The following PLEKHG1 variants were observed in gnomAD, a reference collection of about 807,000 sequenced individuals.
PLEKHG1 encodes pleckstrin homology domain-containing family G member 1.
PLEKHG1 carries 44 observed loss-of-function variants against 100.8 expected under a neutral mutation model. The observed-to-expected ratio is 0.44, with a 90% CI of 0.34 to 0.56. The LOEUF is 0.56. Among genes scored for constraint, PLEKHG1 ranks in the 20% least tolerant of loss-of-function variants. PLEKHG1 has a pLI of 0.01. For synonymous variants in PLEKHG1, 640 were observed against 662.5 expected, an observed-to-expected ratio of 0.97 and a Z score of 0.52; for missense variants, 1,545 against 1,720.9, an observed-to-expected ratio of 0.90 and a Z score of 1.81.
chr6:150,731,055 G>A (rs1381470268), intron 1 of PLEKHG1, among the ~76,000 whole-genome samples: 4 of 152,112 alleles, frequency 2.6e-5, no homozygotes, highest in African/African-American at 4.8e-5. Flanking sequence ...TGGAGGGTGC[G>A]AATGGAAAGG....
At chr6:150,605,663 T>C (rs1386123043) in intron 1 of PLEKHG1, 1 of 152,182 alleles carries the variant, frequency 6.6e-6, no homozygotes, top group African/African-American at 2.4e-5. Flanking sequence ...CCAGGAAGCC[T>C]CTAGGAGGAG....
chr6:150,672,992 A>C (rs1037312823), intron 3 of PLEKHG1, among the ~76,000 whole-genome samples: 3 of 152,210 alleles, frequency 2.0e-5, no homozygotes, highest in Non-Finnish European at 2.9e-5. Flanking sequence ...TGTGTTTGGC[A>C]GTCATGGTTG....
At chr6:150,654,569 C>G (rs1230574459) in intron 3 of PLEKHG1, among the ~76,000 whole-genome samples, 4 of 152,184 alleles carry the variant, frequency 2.6e-5, no homozygotes, top group Non-Finnish European at 5.9e-5. Flanking sequence ...TGTATAATCT[C>G]AACACTGAAG....
At chr6:150,675,037 A>T (rs1277479248) in intron 3 of PLEKHG1, among the ~76,000 whole-genome samples, 3 of 152,176 alleles carry the variant, frequency 2.0e-5, no homozygotes, top group Non-Finnish European at 2.9e-5. Context: ...TTTGCTATTT[A>T]AAAATGTAAT....
chr6:150,635,461 A>AG (rs1011476139), intron 1 of PLEKHG1, among the ~76,000 whole-genome samples: 2 of 151,800 alleles, frequency 1.3e-5, no homozygotes, highest in Admixed American at 6.6e-5. Context: ...GTAATTAAAA[A>AG]CAATTGGGAA....
chr6:150,606,537 C>T (rs1168855597), intron 1 of PLEKHG1, among the ~76,000 whole-genome samples: 1 of 152,174 alleles, frequency 6.6e-6, no homozygotes, highest in Non-Finnish European at 1.5e-5. Context: ...CATCCTCCTC[C>T]CTGTTTAGAG....
intron 3 of PLEKHG1, among the ~76,000 whole-genome samples, chr6:150,715,134 C>T (rs1444649690): frequency 1.3e-5 from 2 of 152,148 alleles, no homozygotes; most frequent in African/African-American, 4.8e-5. Flanking sequence ...TGAAAACAAA[C>T]TCACTTGCCA....
intron 3 of PLEKHG1, among the ~76,000 whole-genome samples, chr6:150,660,058 G>A (rs1046303332): frequency 3.3e-5 from 5 of 151,050 alleles, no homozygotes; most frequent in Non-Finnish European, 5.9e-5. Context: ...TAGCCCAAAT[G>A]TCTTTGTTCA....
At chr6:150,654,098 T>G (rs1383958843) in intron 3 of PLEKHG1, among the ~76,000 whole-genome samples, 2 of 152,182 alleles carry the variant, frequency 1.3e-5, no homozygotes, top group African/African-American at 4.8e-5. Flanking sequence ...CCTGGTTATT[T>G]GATGGAAGGG....
At chr6:150,804,878 G>A in intron 7 of PLEKHG1, 137 bp downstream of exon 8, 1 of 691,332 alleles carries the variant, frequency 1.4e-6, no homozygotes, top group Non-Finnish European at 2.4e-6. Context: ...AAAAAGTTCA[G>A]GACATCAGTA....
intron 2 of PLEKHG1, among the ~76,000 whole-genome samples, chr6:150,641,876 C>CAAAAAAAAAAAAAAAAAA (rs71554473): frequency 2.6e-5 from 2 of 76,798 alleles, no homozygotes; most frequent in Non-Finnish European, 4.5e-5. Context: ...TGTGAAAAGG[C>CAAAAAAAAAAAAAAAAAA]AAAAAAAAAA....
At chr6:150,629,808 ATTTCC>A (rs1777671611) in intron 1 of PLEKHG1, among the ~76,000 whole-genome samples, 1 of 152,176 alleles carries the variant, frequency 6.6e-6, no homozygotes, top group South Asian at 2.1e-4. Context: ...TCTATGATGT[ATTTCC>A]TTTGATGACA....
intron 1 of PLEKHG1, among the ~76,000 whole-genome samples, chr6:150,637,768 C>T (rs1016907133): frequency 6.6e-6 from 1 of 152,048 alleles, no homozygotes; most frequent in African/African-American, 2.4e-5. Context: ...TTTTTGTCAT[C>T]GGTCCTTTTA....
chr6:150,691,628 A>G (rs1300795585), intron 3 of PLEKHG1, among the ~76,000 whole-genome samples: 2 of 152,190 alleles, frequency 1.3e-5, no homozygotes, highest in African/African-American at 2.4e-5. Flanking sequence ...ATCATCTCTG[A>G]GCAATTTTTA....
chr6:150,693,599 C>T (rs1382669629), intron 3 of PLEKHG1, among the ~76,000 whole-genome samples: 5 of 152,170 alleles, frequency 3.3e-5, no homozygotes, highest in Non-Finnish European at 7.3e-5. Context: ...TAACCACTCC[C>T]CCATGTGTTT....
rs779738557 is a variant in PLEKHG1, at chr6:150,831,387, G to A, written c.2276G>A (p.Ser759Asn). The change falls in exon 15 of 16, where the codon AGC becomes AAC. Residue 759 changes from serine (S) to asparagine (N), a missense_variant. By Grantham distance (46) the Ser-to-Asn change is conservative. Transcript: ENST00000358517. This position sits in a 1 kb window ranked among gnomAD's most constrained non-coding sequence, Gnocchi z 4.1. ...CCGTCGCTGGGTTTTAAGTGCAGCA[G>A]CCTAAAGCGTGCAAAGCGGAGCACC... 6.2e-7 allele frequency: 1 copy of A among 1,614,126 alleles called. No homozygotes were observed. Among genetic ancestry groups the A allele is most frequent in the Non-Finnish European group, 8.5e-7 (1 of 1,180,032 alleles).
intron 3 of PLEKHG1, among the ~76,000 whole-genome samples, chr6:150,659,683 A>G (rs1427529958): frequency 6.6e-6 from 1 of 152,202 alleles, no homozygotes; most frequent in Admixed American, 6.5e-5. Flanking sequence ...AATTACTGCA[A>G]CCTGATTTTA....
chr6:150,628,697 G>C (rs9480501), intron 1 of PLEKHG1, among the ~76,000 whole-genome samples: 30,900 of 151,996 alleles, frequency 0.2, 3,482 homozygotes, highest in Admixed American at 0.27. Flanking sequence ...TATTCTGCCC[G>C]TACTATTAAT....
At chr6:150,760,570 T>C (rs1005986520) in intron 2 of PLEKHG1, among the ~76,000 whole-genome samples, 9 of 151,796 alleles carry the variant, frequency 5.9e-5, no homozygotes, top group Admixed American at 1.3e-4. Flanking sequence ...TTAAAATACA[T>C]AGTCTTCGAA....
Sources: gnomAD v4.1 joint callset for allele counts (sites outside exome capture counted in the v4.1 genomes callset) on GRCh38, gnomAD v4.1.1 for gene constraint, Gnocchi (gnomAD v3.1) non-coding constraint, MANE v1.5 for transcripts, NCBI Gene and HGNC (gene_info 2026-07-23, HGNC 2026-07-21) for gene names.